The following SEC63 variants were observed in gnomAD, a reference collection of about 807,000 sequenced individuals.
The protein encoded by SEC63 is SEC63 protein translocation regulator, also known as translocation protein SEC63 homolog.
SEC63 carries 56 observed loss-of-function variants against 116.2 expected under a neutral mutation model. That is an observed-to-expected ratio of 0.48 (90% CI 0.39 to 0.60). The LOEUF is 0.60. Among genes scored for constraint, SEC63 ranks in the 20% least tolerant of loss-of-function variants. The probability of loss-of-function intolerance (pLI) is 0.00; values close to 1 mark genes in which losing one functional copy is unlikely to be tolerated. For synonymous variants in SEC63, 273 were observed against 294.6 expected, an observed-to-expected ratio of 0.93 and a Z score of 0.75; for missense variants, 668 against 900.0, an observed-to-expected ratio of 0.74 and a Z score of 3.30.
At chr6:107,893,135 C>T (rs1023235933) in intron 16 of SEC63, among the ~76,000 whole-genome samples, 1 of 150,674 alleles carries the variant, frequency 6.6e-6, no homozygotes, top group African/African-American at 2.5e-5. Flanking sequence ...CACACACACA[C>T]ACACACACAC....
intron 14 of SEC63, among the ~76,000 whole-genome samples, chr6:107,896,355 TAG>T (rs1227074471): frequency 6.6e-6 from 1 of 151,606 alleles, no homozygotes; most frequent in Non-Finnish European, 1.5e-5. Context: ...TGCCAGCTAC[TAG>T]AGAGAGACTG....
chr6:107,929,450 T>C lies in SEC63; in HGVS notation c.189A>G (p.Leu63=), dbSNP rs765891623. 6.3e-7 allele frequency: 1 copy of C among 1,599,838 alleles called. No individual in the cohort carries two copies. The highest frequency in any genetic ancestry group is 8.6e-7 in the Non-Finnish European group (1 of 1,167,182). Residue 63 remains leucine (L), a synonymous_variant, in exon 2 of 21, where the codon TTA becomes TTG. Coordinates refer to ENST00000369002, the MANE Select transcript of SEC63 (RefSeq NM_007214.5). ...YGRCMWYRLR[L]LKPQPNIIPT... ...GAATAATATTTGGCTGGGGTTTTAA[T>C]AACCGTAAACGATACCACATACACC...
At chr6:107,913,297 T>C (rs1041525690) in intron 5 of SEC63, 69 bp downstream of exon 5, 2 of 1,003,526 alleles carry the variant, frequency 2.0e-6, no homozygotes, top group Non-Finnish European at 3.2e-6. Context: ...ATATTATTCC[T>C]TTAATCTGGT....
rs547032146 is a variant in SEC63, at chr6:107,956,827, A to G, written c.124+1059T>C. On this transcript the variant is annotated intron_variant, in intron 1 of 20. Transcript: ENST00000369002. ...GGCTTCACTGTTAACAACTTCTCCA[A>G]GTAGAGTATATAACCTGGACAACCT... 3.3e-5 allele frequency among the ~76,000 whole-genome samples: 5 copies of G among 152,340 alleles called. No homozygotes were observed. In the South Asian group the frequency reaches 8.3e-4, roughly 25 times the overall value.
Position 107,932,066 on chromosome 6 carries a change from A to G in SEC63, c.125-2552T>C, listed in dbSNP as rs78369692. On this transcript the variant is annotated intron_variant, in intron 1 of 20. Transcript: ENST00000369002. ...ACTAAGTCAGCCATGAAGAAGACACAACCACATTTGTGTTTACTATGGATG... is the reference window on the plus strand; with the variant it reads ...ACTAAGTCAGCCATGAAGAAGACACGACCACATTTGTGTTTACTATGGATG... 1.6e-4 allele frequency: 27 copies of G among 165,444 alleles called. 1 individual carries two copies. The East Asian group carries it at 4.7e-3, about 29-fold the overall frequency. 10.2% of individuals were successfully genotyped at this position (165,444 alleles called of 1,614,324 possible). A position where few individuals can be genotyped will look rare whatever the true frequency, so the allele number is the denominator to read the frequency against.
intron 3 of SEC63, 29 bp from the exon 4 acceptor site, chr6:107,921,938 C>T (rs775116306): frequency 3.1e-6 from 4 of 1,283,786 alleles, no homozygotes; most frequent in Non-Finnish European, 4.5e-6. Context: ...AAAAAACAAG[C>T]TTTCTGTTAG....
chr6:107,941,484 C>A (rs1770373622), intron 1 of SEC63, among the ~76,000 whole-genome samples: 1 of 146,454 alleles, frequency 6.8e-6, no homozygotes, highest in East Asian at 2.0e-4. Context: ...CCTTGGGAAA[C>A]AGAGTGAGAC....
chr6:107,908,892 G>A lies in SEC63; in HGVS notation c.733+35C>T, dbSNP rs1269471898. On this transcript the variant is annotated intron_variant, in intron 8 of 20. Transcript: ENST00000369002. ...AACCCCACATAAGTCACAAAACAAT[G>A]TGATTAATAGCAAAGTTACTTAAAG... 2.4e-6 allele frequency: 3 copies of A among 1,231,378 alleles called. No homozygotes were observed. The Admixed American group carries it at 5.3e-5, about 22-fold the overall frequency. The allele number at this position is 1,231,378 out of a possible 1,614,324, so 76.3% of individuals were successfully genotyped here.
rs115689353 is a variant in SEC63 at position 107,875,553 on chromosome 6, C to A, written c.2034+1011G>T. ...CTCTACAAAAAATACAAAAATTAGC[C>A]GGGCGTGGCTAATTTTTACGGGGTG... On this transcript the variant is annotated intron_variant, in intron 19 of 20. Coordinates refer to ENST00000369002, the MANE Select transcript of SEC63 (RefSeq NM_007214.5). Among the ~76,000 whole-genome samples, 943 of 151,976 alleles carry A rather than the reference C, an allele frequency of 6.2e-3. 13 individuals carry two copies. The highest frequency in any genetic ancestry group is 0.022 in the African/African-American group (900 of 41,434).
intron 19 of SEC63, among the ~76,000 whole-genome samples, chr6:107,875,195 A>T (rs1350181021): frequency 6.6e-6 from 1 of 152,150 alleles, no homozygotes; most frequent in Non-Finnish European, 1.5e-5. Context: ...ATACATGTCA[A>T]GTAGTTAGGG....
intron 7 of SEC63, among the ~76,000 whole-genome samples, chr6:107,909,976 C>A (rs1299116230): frequency 6.6e-6 from 1 of 151,810 alleles, no homozygotes; most frequent in African/African-American, 2.4e-5. Flanking sequence ...ATGTTGCATC[C>A]CCATTATATT....
At position 107,922,995 on chromosome 6, in the gene SEC63, TA is replaced by T. The variant is rs1170007380; in HGVS notation, c.340-1087del. On this transcript the variant is annotated intron_variant, in intron 3 of 20. Transcript: ENST00000369002. ...CAAATTATCCAGGCCTCATTTTCTT[TA>T]AAAAAAAAAAAATTAATAAATAGGG... Among the ~76,000 whole-genome samples, 500 of 145,436 alleles carry T rather than the reference TA, an allele frequency of 3.4e-3. 1 individual carries two copies. Among genetic ancestry groups the T allele is most frequent in the African/African-American group, 8.9e-3 (357 of 40,024 alleles).
chr6:107,902,864 G>A lies in SEC63; in HGVS notation c.1189C>T (p.Arg397Trp), dbSNP rs774367627. ...ATTACCTTCTTATGATTAGAAACCC[G>A]TCTAAGATTGTCCTCTTCAATATGA... Reference protein sequence around the residue: ...LPHIEEDNLRRVSNHKKYKIK... With the variant: ...LPHIEEDNLRWVSNHKKYKIK... Residue 397 changes from arginine (R) to tryptophan (W), a missense_variant, in exon 12 of 21, where the codon CGG (arginine) becomes TGG (tryptophan). Physicochemically the swap from Arg to Trp is moderately radical, Grantham distance 101. Around this residue, in one of 5 missense-constraint regions of SEC63, gnomAD observed 430 missense variants for 557.5 expected, o/e 0.77. Coordinates refer to ENST00000369002, the MANE Select transcript of SEC63 (RefSeq NM_007214.5). 1.6e-5 allele frequency: 26 copies of A among 1,613,704 alleles called. No homozygotes were observed. The Admixed American group carries it at 1.7e-4, about 10-fold the overall frequency.
chr6:107,900,561 T>C (rs1433499008), intron 13 of SEC63, among the ~76,000 whole-genome samples: 4 of 152,024 alleles, frequency 2.6e-5, no homozygotes, highest in African/African-American at 7.2e-5. Flanking sequence ...GGTAGAAGGA[T>C]TGCTTGAGCC....
At chr6:107,887,323 C>T (rs2114415246) in intron 16 of SEC63, among the ~76,000 whole-genome samples, 1 of 141,712 alleles carries the variant, frequency 7.1e-6, no homozygotes, top group East Asian at 2.0e-4. Context: ...GCATTATTCA[C>T]AATAGCAAAG....
At chr6:107,893,107 TACACACACACACACACACACACACAC>T (rs55814816) in intron 16 of SEC63, among the ~76,000 whole-genome samples, 111 of 145,916 alleles carry the variant, frequency 7.6e-4, no homozygotes, top group African/African-American at 2.6e-3. Context: ...TGAAATACTA[TACACACACACACACACACACACACAC>T]ACACACACAC....
At chr6:107,917,476 C>T (rs934410521) in intron 4 of SEC63, among the ~76,000 whole-genome samples, 7 of 152,234 alleles carry the variant, frequency 4.6e-5, no homozygotes, top group South Asian at 2.1e-4. Flanking sequence ...AAGACTCACA[C>T]GTCTCTCACT....
At chr6:107,901,084 C>T (rs1365600659) in intron 13 of SEC63, among the ~76,000 whole-genome samples, 2 of 152,172 alleles carry the variant, frequency 1.3e-5, no homozygotes, top group Non-Finnish European at 2.9e-5. Flanking sequence ...AAGTCTTCAT[C>T]ATTCTTTGGA....
chr6:107,884,826 AG>A, intron 16 of SEC63, among the ~76,000 whole-genome samples: 1 of 152,318 alleles, frequency 6.6e-6, no homozygotes, highest in Middle Eastern at 3.4e-3. Flanking sequence ...AAATATAAAA[AG>A]GAATACTAAG....
Sources: gnomAD v4.1 joint callset for allele counts (sites outside exome capture counted in the v4.1 genomes callset) on GRCh38, gnomAD v4.1.1 for gene constraint, gnomAD v4.1.1 regional missense constraint, MANE v1.5 for transcripts, NCBI Gene and HGNC (gene_info 2026-07-23, HGNC 2026-07-21) for gene names.